Variants in AHNAK observed in about 807,000 individuals in gnomAD.
AHNAK encodes the protein AHNAK nucleoprotein, also known as neuroblast differentiation-associated protein AHNAK.
AHNAK carries 23 observed loss-of-function variants against 37.8 expected under a neutral mutation model. That is an observed-to-expected ratio of 0.61 (90% CI 0.44 to 0.86). The LOEUF is 0.86. AHNAK is among the 40% of genes least tolerant of loss of function. AHNAK has a pLI of 0.00. For missense variants in AHNAK, 7,411 were observed against 7,319.4 expected, an observed-to-expected ratio of 1.01 and a Z score of -0.46; for synonymous variants, 2,481 against 2,636.3, an observed-to-expected ratio of 0.94 and a Z score of 1.80.
chr11:62,540,216 A>G (rs1001595032), intron 1 of AHNAK, among the ~76,000 whole-genome samples: 40 of 152,264 alleles, frequency 2.6e-4, no homozygotes, highest in African/African-American at 9.4e-4. Context: ...CAGCAGCCAC[A>G]TGTGGCTATT....
chr11:62,493,353 C>T (rs1359550261), intron 4 of AHNAK, among the ~76,000 whole-genome samples: 2 of 135,688 alleles, frequency 1.5e-5, no homozygotes, highest in African/African-American at 5.4e-5. Context: ...TTTTTTTTGA[C>T]AGACTCTCGC....
At position 62,521,694 on chromosome 11, in the gene AHNAK, C is replaced by T; in HGVS notation, c.12723G>A (p.Lys4241=). The T allele has an allele frequency of 3.1e-6, 5 of 1,614,026 alleles. No homozygotes were observed. The highest frequency in any genetic ancestry group is 4.2e-6 in the Non-Finnish European group (5 of 1,180,014). ...TCTCAGGCATCTTGAATTTAGGGCC[C>T]TTTAGTTTCGCATCTGGACCTTCGA... ...VNIEGPDAKL[K]GPKFKMPEMN... The change falls in exon 5 of 5, where the codon AAG becomes AAA. Residue 4241 remains lysine (K), a synonymous_variant. Coordinates refer to ENST00000378024, the MANE Select transcript of AHNAK (RefSeq NM_001620.3).
Position 62,528,278 on chromosome 11 carries a change from T to A in AHNAK, c.6139A>T (p.Lys2047Ter). 1 of 1,614,158 alleles carries A rather than the reference T, an allele frequency of 6.2e-7. No individual in the cohort carries two copies. The highest frequency in any genetic ancestry group is 8.5e-7 in the Non-Finnish European group (1 of 1,180,040). ...VDVHGPDWHL[K>*]MPKMKMPKFS... ...TTGGGCATTTTCATCTTGGGCATCT[T>A]CAGGTGCCAGTCTGGGCCATGAACA... Residue 2047 changes from lysine (K) to a stop codon, truncating the protein, a stop_gained, in exon 5 of 5, where the codon AAG becomes TAG. Coordinates refer to ENST00000378024, the MANE Select transcript of AHNAK (RefSeq NM_001620.3). LOFTEE classifies it low-confidence loss of function (END_TRUNC).
In AHNAK at chr11:62,528,123, C is replaced by T. The variant is rs1940572957; in HGVS notation, c.6294G>A (p.Gly2098=). The change falls in exon 5 of 5, where the codon GGG becomes GGA. Residue 2098 remains glycine (G), a synonymous_variant. Coordinates refer to ENST00000378024, the MANE Select transcript of AHNAK (RefSeq NM_001620.3). Reference sequence around the variant, plus strand: ...TCTTAAGCTTGGGGCCCTTCAGCTTCCCTTCTGGACCTTCAAGGCTCACAT... The same window carrying T: ...TCTTAAGCTTGGGGCCCTTCAGCTTTCCTTCTGGACCTTCAAGGCTCACAT... The part of the protein sequence containing the change: ...VPDVSLEGPE[G]KLKGPKLKMP... 7 of 1,609,446 alleles carry T rather than the reference C, an allele frequency of 4.3e-6. No individual in the cohort carries two copies. The highest frequency in any genetic ancestry group is 5.9e-6 in the Non-Finnish European group (7 of 1,178,556).
At chr11:62,507,082 T>C (rs1250303800) in intron 4 of AHNAK, among the ~76,000 whole-genome samples, 3 of 151,738 alleles carry the variant, frequency 2.0e-5, no homozygotes, top group Middle Eastern at 3.4e-3. Context: ...TGGAATTCCC[T>C]CCCCCCACTC....
chr11:62,500,420 G>C (rs755708717), intron 4 of AHNAK, among the ~76,000 whole-genome samples: 2 of 152,274 alleles, frequency 1.3e-5, no homozygotes, highest in Non-Finnish European at 2.9e-5. Context: ...GTGCTAGAAG[G>C]CTGGGGTAAT....
At chr11:62,446,089 G>C (rs1376318647) in intron 5 of AHNAK, among the ~76,000 whole-genome samples, 1 of 152,132 alleles carries the variant, frequency 6.6e-6, no homozygotes, top group African/African-American at 2.4e-5. Flanking sequence ...CCCCAGGGAG[G>C]GATGCAGGAG....
In AHNAK at chr11:62,522,451, A is replaced by C; in HGVS notation, c.11966T>G (p.Phe3989Cys). The C allele has an allele frequency of 1.2e-6, 2 of 1,613,406 alleles. No homozygotes were observed. The change falls in exon 5 of 5, where the codon TTC becomes TGC. Residue 3989 changes from phenylalanine (F) to cysteine (C), a missense_variant. Coordinates refer to ENST00000378024, the MANE Select transcript of AHNAK (RefSeq NM_001620.3). Reference sequence around the variant, plus strand: ...TTTGATGTTCATCTCTGGCATCTTGAATTTAGGGCCCTTCAGTTTCGCATC... The same window carrying C: ...TTTGATGTTCATCTCTGGCATCTTGCATTTAGGGCCCTTCAGTTTCGCATC... The part of the protein sequence containing the change: ...GPDAKLKGPK[F>C]KMPEMNIKAP...
chr11:62,494,298 C>CT (rs1233467116), intron 4 of AHNAK, among the ~76,000 whole-genome samples: 2 of 152,080 alleles, frequency 1.3e-5, no homozygotes, highest in East Asian at 3.8e-4. Flanking sequence ...GATGACTCTT[C>CT]TTTTTATTTC....
At chr11:62,544,054 C>G (rs969185723) in intron 1 of AHNAK, among the ~76,000 whole-genome samples, 2 of 152,144 alleles carry the variant, frequency 1.3e-5, no homozygotes, top group African/African-American at 4.8e-5. Context: ...TCCGCCCCCA[C>G]GGCTTTGCCC....
At chr11:62,438,881 C>T (rs1056259915) in intron 5 of AHNAK, among the ~76,000 whole-genome samples, 1 of 152,108 alleles carries the variant, frequency 6.6e-6, no homozygotes, top group Non-Finnish European at 1.5e-5. Flanking sequence ...ATGACCGGCT[C>T]ACATGAGAAT....
At chr11:62,540,880 G>A (rs948977613) in intron 1 of AHNAK, among the ~76,000 whole-genome samples, 9 of 152,292 alleles carry the variant, frequency 5.9e-5, no homozygotes, top group East Asian at 3.9e-4. Flanking sequence ...AGGATGTGCC[G>A]AGCAGCAGGG....
chr11:62,454,039 G>A (rs1167978590), intron 5 of AHNAK, among the ~76,000 whole-genome samples: 5 of 151,912 alleles, frequency 3.3e-5, no homozygotes, highest in Non-Finnish European at 7.4e-5. Flanking sequence ...CCCGGGAGGC[G>A]GAGGTTGCAG....
rs750053281 is a variant in AHNAK at position 62,522,747 on chromosome 11, A to G, written c.11670T>C (p.Asp3890=). The G allele has an allele frequency of 8.7e-6, 14 of 1,613,026 alleles. No individual in the cohort carries two copies. Among genetic ancestry groups the G allele is most frequent in the East Asian group, 4.5e-5 (2 of 44,816 alleles). ...LNLKGPKVKG[D]MDVSLPKVEG... ...CCACTTTTGGCAGAGACACATCCATATCACCCTTCACTTTGGGTCCTTTCA... is the reference window on the plus strand; with the variant it reads ...CCACTTTTGGCAGAGACACATCCATGTCACCCTTCACTTTGGGTCCTTTCA... The change falls in exon 5 of 5, where the codon GAT becomes GAC. Residue 3890 remains aspartate, a synonymous_variant. Coordinates refer to ENST00000378024, the MANE Select transcript of AHNAK (RefSeq NM_001620.3).
downstream of AHNAK, among the ~76,000 whole-genome samples, chr11:62,514,330 G>A (rs1459623330): frequency 6.6e-6 from 1 of 152,336 alleles, no homozygotes; most frequent in South Asian, 2.1e-4. Flanking sequence ...GAAGGAACAG[G>A]AGATGGGTTT....
intron 5 of AHNAK, among the ~76,000 whole-genome samples, chr11:62,436,721 G>T (rs1462235797): frequency 6.6e-6 from 1 of 151,748 alleles, no homozygotes; most frequent in Non-Finnish European, 1.5e-5. Flanking sequence ...TGGATCACGA[G>T]GTCAGGAGAT....
chr11:62,495,582 A>C (rs918836528), intron 4 of AHNAK, among the ~76,000 whole-genome samples: 15 of 150,858 alleles, frequency 9.9e-5, no homozygotes, highest in Non-Finnish European at 1.5e-4. Context: ...AATACAAAAA[A>C]AAAAACATTA....
At chr11:62,487,983 G>A (rs183737104) in intron 5 of AHNAK, among the ~76,000 whole-genome samples, 60 of 152,236 alleles carry the variant, frequency 3.9e-4, no homozygotes, top group African/African-American at 1.4e-3. Context: ...GGAAAGAGGC[G>A]TCTCTGGCAA....
At position 62,518,964 on chromosome 11, in the gene AHNAK, T is replaced by A; in HGVS notation, c.15453A>T (p.Ser5151=). ...PKVKMPDVDI[S]VPKIEGDLKG... Reference sequence around the variant, plus strand: ...TCAGGTCACCCTCTATTTTTGGCACTGAGATGTCCACATCTGGCATCTTGA... The same window carrying A: ...TCAGGTCACCCTCTATTTTTGGCACAGAGATGTCCACATCTGGCATCTTGA... The change falls in exon 5 of 5, where the codon TCA becomes TCT. Residue 5151 remains serine (S), a synonymous_variant. Coordinates refer to ENST00000378024, the MANE Select transcript of AHNAK (RefSeq NM_001620.3). 1 of 1,614,176 alleles carries A rather than the reference T, an allele frequency of 6.2e-7. No individual in the cohort carries two copies. Among genetic ancestry groups the A allele is most frequent in the African/African-American group, 1.3e-5 (1 of 75,036 alleles).
Sources: gnomAD v4.1 joint callset for allele counts (sites outside exome capture counted in the v4.1 genomes callset) on GRCh38, gnomAD v4.1.1 for gene constraint, MANE v1.5 for transcripts, NCBI Gene and HGNC (gene_info 2026-07-23, HGNC 2026-07-21) for gene names.